Variants in NIF3L1 observed in about 807,000 individuals in gnomAD.
The protein encoded by NIF3L1 is NIF3-like protein 1.
NIF3L1 carries 26 observed loss-of-function variants against 35.0 expected under a neutral mutation model. The observed-to-expected ratio is 0.74, with a 90% CI of 0.54 to 1.03. The LOEUF (loss-of-function observed/expected upper bound fraction) is 1.03. Ranked by LOEUF, NIF3L1 falls within the 50% of genes least tolerant of loss-of-function variation. The pLI is 0.00. For missense variants in NIF3L1, 449 were observed against 466.3 expected (o/e 0.96, Z 0.34); for synonymous variants, 157 against 178.9 (o/e 0.88, Z 0.98).
At chr2:200,895,767 G>A (rs1575134980) in intron 4 of NIF3L1, among the ~76,000 whole-genome samples, 1 of 152,056 alleles carries the variant, frequency 6.6e-6, no homozygotes, top group Non-Finnish European at 1.5e-5. Flanking sequence ...TATTTTACAC[G>A]CTCTGCCTGG....
chr2:200,898,859 C>T (rs1227169267), intron 5 of NIF3L1, among the ~76,000 whole-genome samples: 1 of 152,066 alleles, frequency 6.6e-6, no homozygotes, highest in Non-Finnish European at 1.5e-5. Context: ...CCTTAGCTTC[C>T]TCACCTGAGA....
rs187469295 is a variant in NIF3L1, at chr2:200,892,351, C to T, written c.408C>T (p.Gly136=). Residue 136 remains glycine, a synonymous_variant, in exon 2 of 7, where the codon GGC becomes GGT. Transcript: ENST00000409020. ...PHTAYDAAPQ[G]VNNWLAKGLG... The stretch of plus-strand genomic sequence containing the variant: ...CAGCCTATGATGCTGCGCCCCAGGG[C>T]GTCAACAACTGGTTGGCTAAAGGGC... The T allele has an allele frequency of 8.7e-5, 140 of 1,604,156 alleles. No individual in the cohort carries two copies. The highest frequency in any genetic ancestry group is 8.3e-4 in the East Asian group (37 of 44,764).
rs200481065 is a variant in NIF3L1, at chr2:200,903,491, T to C, written c.950-3T>C. On this transcript the variant is annotated splice_polypyrimidine_tract_variant and splice_region_variant and intron_variant, in intron 6 of 6. Coordinates refer to ENST00000409020, the MANE Select transcript of NIF3L1 (RefSeq NM_001369441.2). ...TAAGAATTTGCTCTTCCCTTTTTGG[T>C]AGGTGAGATGTCCCATCATGATACT... The C allele has an allele frequency of 1.1e-4, 173 of 1,609,414 alleles. No homozygotes were observed. In the African/African-American group the frequency reaches 2.0e-3, roughly 19 times the overall value.
Position 200,891,935 on chromosome 2 carries a change from G to C in NIF3L1, c.-9G>C, listed in dbSNP as rs2040200044. On this transcript the variant is annotated 5_prime_UTR_variant, in exon 2 of 7. An upstream open reading frame in the 5' UTR loses its in-frame stop. Transcript: ENST00000409020. ...GACATCAGAAACTTGAACTTTACCTGATTTCTGTATGTTGTCATCTTGCGT... is the reference window on the plus strand; with the variant it reads ...GACATCAGAAACTTGAACTTTACCTCATTTCTGTATGTTGTCATCTTGCGT... The C allele has an allele frequency of 2.5e-6, 4 of 1,581,654 alleles. No homozygotes were observed. The highest frequency in any genetic ancestry group is 3.4e-6 in the Non-Finnish European group (4 of 1,161,368).
At chr2:200,897,819 C>A (rs1196839148) in intron 5 of NIF3L1, among the ~76,000 whole-genome samples, 1 of 152,166 alleles carries the variant, frequency 6.6e-6, no homozygotes, top group Non-Finnish European at 1.5e-5. Context: ...TGTTCAACAC[C>A]TTCAGTGAGC....
At chr2:200,896,987 T>C in intron 4 of NIF3L1, 89 bp from the exon 5 acceptor site, 1 of 1,269,064 alleles carries the variant, frequency 7.9e-7, no homozygotes. Context: ...CTTGCTATAG[T>C]AATCTCACAG....
At chr2:200,902,612 TC>T (rs1429970037) in intron 6 of NIF3L1, among the ~76,000 whole-genome samples, 1 of 152,122 alleles carries the variant, frequency 6.6e-6, no homozygotes, top group Non-Finnish European at 1.5e-5. Context: ...ATATGAATTT[TC>T]CCCAAATCTT....
intron 3 of NIF3L1, 28 bp downstream of exon 3, chr2:200,893,436 T>G (rs1414520524): frequency 1.2e-6 from 2 of 1,607,352 alleles, no homozygotes; most frequent in African/African-American, 2.7e-5. Flanking sequence ...CTTTTTTTTG[T>G]GTGTATTTAT....
At position 200,893,366 on chromosome 2, in the gene NIF3L1, T is replaced by A. The variant is rs1398448449; in HGVS notation, c.557T>A (p.Val186Glu). Residue 186 changes from valine (V) to glutamate (E), a missense_variant, in exon 3 of 7, where the codon GTG becomes GAG. Val to Glu is a moderately radical substitution (Grantham distance 121). Transcript: ENST00000409020. ...TQDLDKVMSAVKGIDGVSVTS... is the reference protein window; with the variant it reads ...TQDLDKVMSAEKGIDGVSVTS... The stretch of plus-strand genomic sequence containing the variant: ...GACCTGGACAAAGTCATGTCTGCAG[T>A]GAAAGGAATTGACGGTGTTTCTGTC... 1 of 1,614,074 alleles carries A rather than the reference T, an allele frequency of 6.2e-7. No individual in the cohort carries two copies.
chr2:200,899,514 A>C (rs1389086264), intron 6 of NIF3L1, 46 bp downstream of exon 6: 1 of 1,466,708 alleles, frequency 6.8e-7, no homozygotes, highest in Non-Finnish European at 9.5e-7. Flanking sequence ...TTGCAAAATC[A>C]AAAATGGCAA....
intron 3 of NIF3L1, among the ~76,000 whole-genome samples, chr2:200,894,620 C>T (rs1218694277): frequency 6.6e-6 from 1 of 151,018 alleles, no homozygotes; most frequent in African/African-American, 2.4e-5. Flanking sequence ...GTTGGACAGG[C>T]TGGTCTTGAA....
At chr2:200,889,856 A>T (rs1440104452) in intron 1 of NIF3L1, among the ~76,000 whole-genome samples, 1 of 152,162 alleles carries the variant, frequency 6.6e-6, no homozygotes, top group Non-Finnish European at 1.5e-5. Flanking sequence ...TGGCTCTAGG[A>T]TTCAGGCTGG....
chr2:200,892,175 A>G lies in NIF3L1; in HGVS notation c.232A>G (p.Met78Val). The part of the protein sequence containing the change: ...FLTNDLTEEV[M>V]EEVLQKKADL... ...GACCAATGACCTGACTGAGGAAGTGATGGAGGAGGTGCTGCAAAAGAAGGC... is the reference window on the plus strand; with the variant it reads ...GACCAATGACCTGACTGAGGAAGTGGTGGAGGAGGTGCTGCAAAAGAAGGC... Residue 78 changes from methionine to valine, a missense_variant, in exon 2 of 7, where the codon ATG (methionine) becomes GTG (valine). Coordinates refer to ENST00000409020, the MANE Select transcript of NIF3L1 (RefSeq NM_001369441.2). 1 of 1,614,190 alleles carries G rather than the reference A, an allele frequency of 6.2e-7. No individual in the cohort carries two copies. Among genetic ancestry groups the G allele is most frequent in the South Asian group, 1.1e-5 (1 of 91,082 alleles).
Position 200,902,966 on chromosome 2 carries a change from G to A in NIF3L1, c.950-528G>A, listed in dbSNP as rs553801806. On this transcript the variant is annotated intron_variant, in intron 6 of 6. Coordinates refer to ENST00000409020, the MANE Select transcript of NIF3L1 (RefSeq NM_001369441.2). ...GGATTGGATAATTGCCTTGGGGTCT[G>A]CTAAGGAAAAAGAAGTTGGAATTCT... Among the ~76,000 whole-genome samples the A allele has an allele frequency of 2.4e-3, 370 of 152,230 alleles. 3 individuals are homozygous for A. The highest frequency in any genetic ancestry group is 8.6e-3 in the African/African-American group (357 of 41,534).
At chr2:200,893,489 G>T in intron 3 of NIF3L1, 81 bp downstream of exon 3, 1 of 1,349,404 alleles carries the variant, frequency 7.4e-7, no homozygotes, top group Non-Finnish European at 1.0e-6. Flanking sequence ...CTGGTATTTA[G>T]GCTTGAAACA....
At chr2:200,897,517 C>G (rs567455149) in intron 5 of NIF3L1, among the ~76,000 whole-genome samples, 1 of 152,172 alleles carries the variant, frequency 6.6e-6, no homozygotes, top group South Asian at 2.1e-4. Flanking sequence ...CTTAAACCAT[C>G]AGTTTAAAAT....
intron 4 of NIF3L1, among the ~76,000 whole-genome samples, chr2:200,896,367 C>A (rs2040314153): frequency 6.6e-6 from 1 of 152,088 alleles, no homozygotes; most frequent in South Asian, 2.1e-4. Flanking sequence ...GTTTAGAATG[C>A]CTTTCTCCAT....
intron 6 of NIF3L1, among the ~76,000 whole-genome samples, chr2:200,900,820 T>A (rs764635636): frequency 1.3e-5 from 2 of 152,160 alleles, no homozygotes; most frequent in African/African-American, 4.8e-5. Context: ...TTCAGACCTA[T>A]GCAAAAGTTG....
rs111457170 is a variant in NIF3L1, at chr2:200,900,289, T to G, written c.949+821T>G. 4.2e-3 allele frequency among the ~76,000 whole-genome samples: 645 copies of G among 152,332 alleles called. 1 individual carries two copies. The highest frequency in any genetic ancestry group is 7.2e-3 in the Non-Finnish European group (488 of 68,030). ...GGCTAATTTTTATTGAAAGAATTAC[T>G]TTATGTAGTTACTACTCAGGAATAT... On this transcript the variant is annotated intron_variant, in intron 6 of 6. Coordinates refer to ENST00000409020, the MANE Select transcript of NIF3L1 (RefSeq NM_001369441.2).
Sources: allele counts gnomAD v4.1 joint callset (sites outside exome capture counted in the v4.1 genomes callset), GRCh38; gene constraint gnomAD v4.1.1; transcripts MANE v1.5; gene names NCBI Gene and HGNC (gene_info 2026-07-23, HGNC 2026-07-21).